Variants in PAH observed in about 807,000 individuals in gnomAD.
The protein encoded by PAH is phenylalanine hydroxylase.
PAH carries 64 observed loss-of-function variants against 62.0 expected under a neutral mutation model. The observed-to-expected ratio is 1.03, with a 90% CI of 0.84 to 1.27. PAH has a LOEUF of 1.27. Among genes scored for constraint, PAH ranks in the 50% most tolerant of loss-of-function variants. PAH has a pLI of 0.00. For missense variants in PAH, 579 were observed against 542.8 expected (o/e 1.07, Z -0.66); for synonymous variants, 195 against 196.2 (o/e 0.99, Z 0.05).
rs1876660146 is a variant in PAH at position 102,878,204 on chromosome 12, AG to A, written c.353-655del. 2.6e-5 allele frequency among the ~76,000 whole-genome samples: 4 copies of A among 152,362 alleles called. No homozygotes were observed. The East Asian group carries it at 7.7e-4, about 29-fold the overall frequency. ...CTGTTCTACTGTAAATGAGCTCATG[AG>A]AACCCATCTTCCCATTATGTGTTTC... On this transcript the variant is annotated intron_variant, in intron 3 of 12. Transcript: ENST00000553106.
intron 3 of PAH, 41 bp downstream of exon 3, chr12:102,894,694 G>A (rs1184461109): frequency 2.1e-6 from 3 of 1,398,602 alleles, no homozygotes; most frequent in Non-Finnish European, 3.0e-6. Context: ...TATGAAGACA[G>A]TGTGGAGTTA....
intron 2 of PAH, among the ~76,000 whole-genome samples, chr12:102,911,312 G>T (rs76396943): frequency 6.6e-6 from 1 of 152,274 alleles, no homozygotes; most frequent in East Asian, 1.9e-4. Context: ...TTGAGGAAGA[G>T]ACCCCACGTT....
chr12:102,878,948 A>C (rs1011200206), intron 3 of PAH, among the ~76,000 whole-genome samples: 1 of 152,140 alleles, frequency 6.6e-6, no homozygotes. Context: ...ATTCAAAAAG[A>C]ATCCAGAGAG....
At chr12:102,853,947 C>T (rs1875292710) in intron 6 of PAH, among the ~76,000 whole-genome samples, 1 of 152,200 alleles carries the variant, frequency 6.6e-6, no homozygotes, top group Non-Finnish European at 1.5e-5. Context: ...CAGCCACAGG[C>T]AGTCTAGCTT....
intron 4 of PAH, among the ~76,000 whole-genome samples, chr12:102,874,143 A>AAT (rs1415108058): frequency 2.6e-5 from 4 of 152,216 alleles, no homozygotes; most frequent in Non-Finnish European, 5.9e-5. Flanking sequence ...TAGGGAGGCA[A>AAT]CATATATGAT....
chr12:102,943,866 T>C (rs765540889), intron 1 of PAH, among the ~76,000 whole-genome samples: 10 of 152,044 alleles, frequency 6.6e-5, no homozygotes, highest in African/African-American at 1.4e-4. Flanking sequence ...CAATAGATAC[T>C]GAGTCCTTCT....
At chr12:102,916,983 G>T in intron 1 of PAH, 88 bp downstream of exon 1, 2 of 1,204,166 alleles carry the variant, frequency 1.7e-6, no homozygotes, top group Non-Finnish European at 2.5e-6. Flanking sequence ...CTGAGCTTAT[G>T]AAACCAGGAA....
intron 5 of PAH, among the ~76,000 whole-genome samples, chr12:102,863,173 TTAAGTC>T (rs1210869032): frequency 6.6e-6 from 1 of 152,164 alleles, no homozygotes; most frequent in East Asian, 1.9e-4. Context: ...GTGGATAAAT[TTAAGTC>T]TAATACTATG....
chr12:102,877,371 G>C (rs141411656), intron 4 of PAH, 91 bp downstream of exon 4: 5 of 949,728 alleles, frequency 5.3e-6, no homozygotes, highest in African/African-American at 4.8e-5. Context: ...AAGTGAACAA[G>C]TACATTGCTC....
intron 4 of PAH, among the ~76,000 whole-genome samples, chr12:102,867,892 TATATA>T (rs760835834): frequency 6.8e-5 from 10 of 146,064 alleles, no homozygotes; most frequent in Non-Finnish European, 1.5e-4. Flanking sequence ...TGTATATACA[TATATA>T]GATGTATATA....
At chr12:102,881,818 T>C (rs778154223) in intron 3 of PAH, among the ~76,000 whole-genome samples, 5 of 152,202 alleles carry the variant, frequency 3.3e-5, no homozygotes, top group Non-Finnish European at 4.4e-5. Context: ...TAATATTCCA[T>C]TGTGTGTGTG....
rs1175955633 is a variant in PAH at position 102,957,159 on chromosome 12, G to A, written c.-96+1036C>T. Among the ~76,000 whole-genome samples, 1 of 152,096 alleles carries A rather than the reference G, an allele frequency of 6.6e-6. No homozygotes were observed. Among genetic ancestry groups the A allele is most frequent in the African/African-American group, 2.4e-5 (1 of 41,426 alleles). ...AACAGTGAGGAGAGAGAGAAAACAG[G>A]AAAAGTCGAGCCCCACTCCCTCCTC... On this transcript the variant is annotated intron_variant, in intron 1 of 4. Coordinates refer to the PAH transcript ENST00000551337. This position sits in a 1 kb window ranked among gnomAD's most constrained non-coding sequence, Gnocchi z 4.1.
chr12:102,899,667 A>G (rs988401694), intron 2 of PAH, among the ~76,000 whole-genome samples: 3 of 150,962 alleles, frequency 2.0e-5, no homozygotes, highest in East Asian at 2.0e-4. Context: ...AGACCATCCC[A>G]GCTAAAACGG....
upstream of PAH, among the ~76,000 whole-genome samples, chr12:102,951,422 C>T (rs1192422221): frequency 6.6e-6 from 1 of 152,222 alleles, no homozygotes; most frequent in Non-Finnish European, 1.5e-5. Context: ...GGTAGTAGTA[C>T]TGAACTCGCC....
In PAH at chr12:102,840,399, C is replaced by T. The variant is rs5030861; in HGVS notation, c.1315+1G>A. 9.4e-4 allele frequency: 1,506 copies of T among 1,594,018 alleles called. No individual in the cohort carries two copies. Among genetic ancestry groups the T allele is most frequent in the Non-Finnish European group, 1.3e-3 (1,470 of 1,161,982 alleles). On this transcript the variant is annotated splice_donor_variant, in intron 12 of 12. Coordinates refer to ENST00000553106, the MANE Select transcript of PAH (RefSeq NM_000277.3). LOFTEE classifies it high-confidence loss of function. Reference sequence around the variant, plus strand: ...GGCCTCGTAAGGTGTAAATTACTTACTGTTAATGGAATCAGCCAAAATCTT... The same window carrying T: ...GGCCTCGTAAGGTGTAAATTACTTATTGTTAATGGAATCAGCCAAAATCTT...
chr12:102,920,033 A>C (rs763398336), upstream of PAH, among the ~76,000 whole-genome samples: 4 of 152,200 alleles, frequency 2.6e-5, no homozygotes, highest in Non-Finnish European at 5.9e-5. Flanking sequence ...ACTGTTCTCC[A>C]TAGTGGTTGT....
chr12:102,951,430 G>A (rs189642076), upstream of PAH, among the ~76,000 whole-genome samples: 2 of 152,302 alleles, frequency 1.3e-5, no homozygotes, highest in Admixed American at 1.3e-4. Context: ...TACTGAACTC[G>A]CCTGGTGAAT....
At position 102,838,771 on chromosome 12, in the gene PAH, C is replaced by A. The variant is rs1592944531; in HGVS notation, c.*404G>T. ...CATAGGTTACGATTTATATTAAGCC[C>A]AATAATTCAATTCTAATGACAGTCT... On this transcript the variant is annotated 3_prime_UTR_variant, in exon 13 of 13. Transcript: ENST00000553106. 6 of 175,984 alleles carry A rather than the reference C, an allele frequency of 3.4e-5. No individual in the cohort carries two copies. The East Asian group carries it at 6.0e-4, about 18-fold the overall frequency. The allele number at this position is 175,984 out of a possible 1,614,324, so 10.9% of individuals were successfully genotyped here.
At chr12:102,883,795 G>A (rs1004424342) in intron 3 of PAH, among the ~76,000 whole-genome samples, 11 of 152,062 alleles carry the variant, frequency 7.2e-5, no homozygotes, top group Non-Finnish European at 1.6e-4. Flanking sequence ...CAAAGCCTGG[G>A]GACTCATCAT....
Sources: gnomAD v4.1 joint callset for allele counts (sites outside exome capture counted in the v4.1 genomes callset) on GRCh38, gnomAD v4.1.1 for gene constraint, Gnocchi (gnomAD v3.1) non-coding constraint, MANE v1.5 for transcripts, NCBI Gene and HGNC (gene_info 2026-07-23, HGNC 2026-07-21) for gene names.